Variants in MDGA2 observed in about 807,000 individuals in gnomAD.
MDGA2 encodes the protein MAM domain containing glycosylphosphatidylinositol anchor 2, also known as MAM domain-containing glycosylphosphatidylinositol anchor protein 2.
In MDGA2, 40 loss-of-function variants were observed where a neutral mutation model predicts 117.8. The observed-to-expected ratio is 0.34, with a 90% CI of 0.26 to 0.44. The LOEUF is 0.44. MDGA2 is among the 20% of genes least tolerant of loss of function. The probability of loss-of-function intolerance (pLI) is 1.00; values close to 1 mark genes in which losing one functional copy is unlikely to be tolerated. For missense variants in MDGA2, 1,123 were observed against 1,250.6 expected, an observed-to-expected ratio of 0.90 and a Z score of 1.54; for synonymous variants, 452 against 439.0, an observed-to-expected ratio of 1.03 and a Z score of -0.37.
At chr14:47,611,389 G>GGCTTTTGCCAT (rs1370489197) in intron 1 of MDGA2, among the ~76,000 whole-genome samples, 1 of 151,990 alleles carries the variant, frequency 6.6e-6, no homozygotes, top group Non-Finnish European at 1.5e-5. Flanking sequence ...GCTTTTGCAT[G>GGCTTTTGCCAT]GCAAAAGGAA....
At position 46,954,146 on chromosome 14, in the gene MDGA2, T is replaced by A. The variant is rs138923609; in HGVS notation, c.2089+3228A>T. 3.9e-3 allele frequency among the ~76,000 whole-genome samples: 589 copies of A among 152,104 alleles called. 8 individuals carry two copies. The highest frequency in any genetic ancestry group is 0.014 in the African/African-American group (577 of 41,504). ...TCGCAGGTTGATTTTCCTCATTGAC[T>A]GCTTCTTGCAGTTGTAAGCTTATTC... On this transcript the variant is annotated intron_variant, in intron 9 of 16. Coordinates refer to ENST00000399232, the MANE Select transcript of MDGA2 (RefSeq NM_001113498.3).
rs774752587 is a variant in MDGA2, at chr14:47,605,916, C to T, written c.280+68601G>A. Reference sequence around the variant, plus strand: ...GGCCTTGGTTTATCTCAAATATGCTCAGTCCACACAAAGGGCCATCTCCTG... The same window carrying T: ...GGCCTTGGTTTATCTCAAATATGCTTAGTCCACACAAAGGGCCATCTCCTG... On this transcript the variant is annotated intron_variant, in intron 1 of 16. Coordinates refer to ENST00000399232, the MANE Select transcript of MDGA2 (RefSeq NM_001113498.3). 2.6e-5 allele frequency among the ~76,000 whole-genome samples: 4 copies of T among 152,122 alleles called. No individual in the cohort carries two copies. The East Asian group carries it at 7.7e-4, about 29-fold the overall frequency.
intron 1 of MDGA2, among the ~76,000 whole-genome samples, chr14:47,371,589 G>A (rs1891360494): frequency 6.6e-6 from 1 of 151,574 alleles, no homozygotes; most frequent in South Asian, 2.1e-4. Context: ...TCCCTGTATG[G>A]AATATCTCTG....
At chr14:47,319,203 G>C (rs1157320579) in intron 1 of MDGA2, among the ~76,000 whole-genome samples, 1 of 152,048 alleles carries the variant, frequency 6.6e-6, no homozygotes, top group East Asian at 1.9e-4. Context: ...TTCTGGACTG[G>C]AACAGTAGAC....
chr14:47,301,025 G>A (rs937481656), intron 2 of MDGA2, among the ~76,000 whole-genome samples: 1 of 152,068 alleles, frequency 6.6e-6, no homozygotes, highest in Non-Finnish European at 1.5e-5. Flanking sequence ...CCTCTCGGTT[G>A]CAATTATGTC....
At chr14:47,611,529 A>G (rs1896848619) in intron 1 of MDGA2, among the ~76,000 whole-genome samples, 1 of 152,066 alleles carries the variant, frequency 6.6e-6, no homozygotes, top group African/African-American at 2.4e-5. Flanking sequence ...AAACAATCCT[A>G]TCGAAAAGTT....
At position 47,156,743 on chromosome 14, in the gene MDGA2, T is replaced by C. The variant is rs1010267630; in HGVS notation, c.596-12469A>G. Among the ~76,000 whole-genome samples, 8 of 152,226 alleles carry C rather than the reference T, an allele frequency of 5.3e-5. 1 individual carries two copies. The highest frequency in any genetic ancestry group is 7.3e-5 in the Non-Finnish European group (5 of 68,032). On this transcript the variant is annotated intron_variant, in intron 3 of 16. Transcript: ENST00000399232. ...CTATATTGGATGTCATCTTTTTCTC[T>C]GGAAAGTTCCAGAAATCTTAAAAAT...
intron 9 of MDGA2, among the ~76,000 whole-genome samples, chr14:46,952,025 G>A (rs1173302560): frequency 6.6e-6 from 1 of 151,642 alleles, no homozygotes; most frequent in South Asian, 2.1e-4. Context: ...TCTGAAAAAG[G>A]GATACAATAG....
intron 1 of MDGA2, among the ~76,000 whole-genome samples, chr14:47,572,232 A>G (rs1448149543): frequency 6.6e-6 from 1 of 152,196 alleles, no homozygotes; most frequent in Non-Finnish European, 1.5e-5. Context: ...ATGTGCGTGT[A>G]CAGTGACTAT....
intron 1 of MDGA2, among the ~76,000 whole-genome samples, chr14:47,563,595 T>TTTTTTTTTTTTTTTTTTTC (rs1895860687): frequency 1.1e-5 from 1 of 87,444 alleles, no homozygotes; most frequent in Non-Finnish European, 2.6e-5. Flanking sequence ...TTTTTTTTTT[T>TTTTTTTTTTTTTTTTTTTC]TTTTTTTTTT....
At chr14:47,408,198 G>A (rs1456378456) in intron 1 of MDGA2, among the ~76,000 whole-genome samples, 3 of 151,622 alleles carry the variant, frequency 2.0e-5, no homozygotes, top group Admixed American at 2.0e-4. Flanking sequence ...TGGGACTACA[G>A]ATGTGCGCCA....
intron 7 of MDGA2, among the ~76,000 whole-genome samples, chr14:47,053,654 TACACACACACACACAC>T (rs746996959): frequency 3.0e-5 from 2 of 67,260 alleles, no homozygotes; most frequent in East Asian, 5.0e-4. Flanking sequence ...TATATATATA[TACACACACACACACAC>T]ATATATATAT....
At chr14:47,673,855 G>C (rs1264435485) in intron 1 of MDGA2, among the ~76,000 whole-genome samples, 1 of 151,920 alleles carries the variant, frequency 6.6e-6, no homozygotes, top group East Asian at 1.9e-4. Flanking sequence ...TCCTGCCCTG[G>C]AACCCAGACG....
chr14:46,876,092 G>T (rs990907302), intron 12 of MDGA2, among the ~76,000 whole-genome samples: 3 of 151,316 alleles, frequency 2.0e-5, no homozygotes, highest in Admixed American at 6.6e-5. Context: ...CATCGTTTAG[G>T]TTATTTTATA....
intron 2 of MDGA2, chr14:47,299,541 T>C (rs1889204341): frequency 6.6e-6 from 1 of 152,192 alleles, no homozygotes; most frequent in Non-Finnish European, 1.5e-5. Context: ...ATTCCATGTC[T>C]ACAAAACAAA....
chr14:47,001,806 G>A (rs1055831170), intron 8 of MDGA2, among the ~76,000 whole-genome samples: 1 of 152,024 alleles, frequency 6.6e-6, no homozygotes, highest in African/African-American at 2.4e-5. Context: ...AATTCACACG[G>A]ACAGAATAAA....
chr14:47,223,087 G>A (rs2139534694), intron 2 of MDGA2, among the ~76,000 whole-genome samples: 1 of 152,258 alleles, frequency 6.6e-6, no homozygotes, highest in Non-Finnish European at 1.5e-5. Flanking sequence ...AGCAAAAGCG[G>A]AAACACCTGA....
intron 2 of MDGA2, among the ~76,000 whole-genome samples, chr14:47,280,373 A>G (rs1258480136): frequency 6.7e-6 from 1 of 148,472 alleles, no homozygotes; most frequent in Non-Finnish European, 1.5e-5. Context: ...GATCTATCTC[A>G]TTACTCAAAC....
At chr14:47,200,216 A>G (rs925637363) in intron 3 of MDGA2, among the ~76,000 whole-genome samples, 1 of 152,048 alleles carries the variant, frequency 6.6e-6, no homozygotes, top group Non-Finnish European at 1.5e-5. Context: ...AATAGTGGAG[A>G]AGCCTTAGCA....
Sources: allele counts gnomAD v4.1 joint callset (sites outside exome capture counted in the v4.1 genomes callset), GRCh38; gene constraint gnomAD v4.1.1; transcripts MANE v1.5; gene names NCBI Gene and HGNC (gene_info 2026-07-23, HGNC 2026-07-21).